The following RHBDL2 variants were observed in gnomAD, a reference collection of about 807,000 sequenced individuals.
RHBDL2 encodes the protein rhomboid like 2.
In RHBDL2, 26 loss-of-function variants were observed where a neutral mutation model predicts 31.7. The ratio of observed to expected loss-of-function variants is 0.82; its 90% CI spans 0.60 to 1.14. RHBDL2 has a LOEUF of 1.14. Ranked by LOEUF, RHBDL2 falls within the 50% of genes most tolerant of loss-of-function variation. RHBDL2 has a pLI of 0.00. For synonymous variants in RHBDL2, 123 were observed against 127.2 expected (o/e 0.97, Z 0.22); for missense variants, 336 against 364.4 (o/e 0.92, Z 0.63).
chr1:38,940,352 GC>G (rs1186154284), intron 1 of RHBDL2, among the ~76,000 whole-genome samples: 1 of 152,002 alleles, frequency 6.6e-6, no homozygotes, highest in Non-Finnish European at 1.5e-5. Flanking sequence ...CTAATCCCAT[GC>G]CTATGTGGCT....
At chr1:38,925,700 A>G (rs1375626597) in intron 1 of RHBDL2, among the ~76,000 whole-genome samples, 1 of 152,174 alleles carries the variant, frequency 6.6e-6, no homozygotes, top group Non-Finnish European at 1.5e-5. Context: ...GCCAAAAAAC[A>G]AAGTTACTGT....
chr1:38,897,229 C>T lies in RHBDL2; in HGVS notation c.509-1160G>A, dbSNP rs922927426. ...TATTCTCCTGCCTCAGCCTCCCGAG[C>T]AGCTGGGACTACAGGCGCCCGCCAC... On this transcript the variant is annotated intron_variant, in intron 4 of 7. Coordinates refer to ENST00000372990, the MANE Select transcript of RHBDL2 (RefSeq NM_017821.5). 7.2e-5 allele frequency among the ~76,000 whole-genome samples: 11 copies of T among 151,824 alleles called. 1 individual carries two copies. Among genetic ancestry groups the T allele is most frequent in the African/African-American group, 2.7e-4 (11 of 41,334 alleles).
intron 3 of RHBDL2, among the ~76,000 whole-genome samples, chr1:38,912,984 A>ATTT (rs1424949758): frequency 2.1e-4 from 4 of 19,036 alleles, no homozygotes; most frequent in Non-Finnish European, 3.7e-4. Context: ...GTGTGTGTGT[A>ATTT]TTTTTTTTTT....
chr1:38,890,227 G>A (rs774322229), intron 6 of RHBDL2, among the ~76,000 whole-genome samples: 49 of 151,762 alleles, frequency 3.2e-4, no homozygotes, highest in Non-Finnish European at 6.3e-4. Flanking sequence ...TAGTAGAGAC[G>A]GGGTTTCACC....
At chr1:38,906,168 T>C (rs189490130) in intron 4 of RHBDL2, among the ~76,000 whole-genome samples, 84 of 152,204 alleles carry the variant, frequency 5.5e-4, no homozygotes, top group Admixed American at 4.8e-3. Context: ...TCTTTTCTCT[T>C]AACTCTTAAT....
chr1:38,940,943 G>A (rs1331018004), intron 1 of RHBDL2, among the ~76,000 whole-genome samples: 1 of 152,124 alleles, frequency 6.6e-6, no homozygotes, highest in Non-Finnish European at 1.5e-5. Context: ...GAGGTAAACA[G>A]GAGATATGGG....
At chr1:38,920,280 G>T (rs2124340159) in intron 1 of RHBDL2, among the ~76,000 whole-genome samples, 1 of 145,198 alleles carries the variant, frequency 6.9e-6, no homozygotes, top group East Asian at 2.1e-4. Context: ...CGATTCTCCT[G>T]CCTCAGCCTA....
chr1:38,897,327 C>T (rs1291546642), intron 4 of RHBDL2, among the ~76,000 whole-genome samples: 1 of 152,108 alleles, frequency 6.6e-6, no homozygotes, highest in Admixed American at 6.6e-5. Flanking sequence ...GTCTCGATCT[C>T]CTGACCTCGT....
intron 4 of RHBDL2, among the ~76,000 whole-genome samples, chr1:38,902,899 A>C (rs971505683): frequency 6.6e-6 from 1 of 152,152 alleles, no homozygotes; most frequent in African/African-American, 2.4e-5. Flanking sequence ...TCTTTGGAAA[A>C]ACACACAAAT....
intron 1 of RHBDL2, among the ~76,000 whole-genome samples, chr1:38,932,668 G>A (rs1031744734): frequency 6.6e-6 from 1 of 152,070 alleles, no homozygotes; most frequent in Admixed American, 6.6e-5. Context: ...CCATGTTGCC[G>A]AAGCTGGTCT....
At chr1:38,890,186 T>A (rs1414897333) in intron 6 of RHBDL2, among the ~76,000 whole-genome samples, 2 of 151,930 alleles carry the variant, frequency 1.3e-5, no homozygotes, top group Non-Finnish European at 2.9e-5. Context: ...TACAGGCCCA[T>A]GCCACCATGC....
chr1:38,932,460 C>G (rs1434697373), intron 1 of RHBDL2, among the ~76,000 whole-genome samples: 13 of 151,996 alleles, frequency 8.6e-5, no homozygotes, highest in Non-Finnish European at 1.5e-5. Flanking sequence ...CTTGGTTTTT[C>G]TGTTATTTGT....
chr1:38,887,236 A>G (rs920229140), intron 7 of RHBDL2, among the ~76,000 whole-genome samples: 5 of 152,056 alleles, frequency 3.3e-5, no homozygotes, highest in Admixed American at 2.6e-4. Context: ...GTTTTTTGAA[A>G]TGGGGTCTCA....
chr1:38,894,265 C>T (rs1167334503), intron 5 of RHBDL2, among the ~76,000 whole-genome samples: 1 of 152,090 alleles, frequency 6.6e-6, no homozygotes, highest in Non-Finnish European at 1.5e-5. Flanking sequence ...TTAGTGATTT[C>T]TATATTTGGA....
intron 1 of RHBDL2, among the ~76,000 whole-genome samples, chr1:38,938,852 C>T (rs1214890237): frequency 1.3e-5 from 2 of 152,218 alleles, no homozygotes; most frequent in African/African-American, 4.8e-5. Flanking sequence ...CTCTACAAGG[C>T]TGTGAGCATT....
rs150433226 is a variant in RHBDL2 at position 38,918,966 on chromosome 1, C to A, written c.246+1G>T. 6.2e-7 allele frequency: 1 copy of A among 1,610,868 alleles called. No homozygotes were observed. The highest frequency in any genetic ancestry group is 1.1e-5 in the South Asian group (1 of 90,898). On this transcript the variant is annotated splice_donor_variant, in intron 2 of 7. Transcript: ENST00000372990. LOFTEE classifies it high-confidence loss of function. ...CGGTGCCCACCCCGCTCCCCATTCA[C>A]CTCGGCCAGGCTGATGGAGATGATG...
At chr1:38,898,021 T>C (rs1642942428) in intron 4 of RHBDL2, among the ~76,000 whole-genome samples, 2 of 151,884 alleles carry the variant, frequency 1.3e-5, no homozygotes, top group South Asian at 4.2e-4. Flanking sequence ...ATCCCAGCTA[T>C]TTGGGAGGCT....
At chr1:38,915,795 G>T in intron 2 of RHBDL2, 85 bp from the exon 3 acceptor site, 3 of 1,322,356 alleles carry the variant, frequency 2.3e-6, no homozygotes, top group Non-Finnish European at 2.1e-6. Context: ...AACTGTTTCA[G>T]ATGATTCAGC....
chr1:38,888,361 G>C (rs1353791928), intron 6 of RHBDL2, among the ~76,000 whole-genome samples: 1 of 151,818 alleles, frequency 6.6e-6, no homozygotes, highest in East Asian at 1.9e-4. Context: ...TATGTGGGGG[G>C]GTGATTGGTA....
Sources: gnomAD v4.1 joint callset for allele counts (sites outside exome capture counted in the v4.1 genomes callset) on GRCh38, gnomAD v4.1.1 for gene constraint, MANE v1.5 for transcripts, NCBI Gene and HGNC (gene_info 2026-07-23, HGNC 2026-07-21) for gene names.